The following CCBE1 variants were observed in gnomAD, a reference collection of about 807,000 sequenced individuals.
CCBE1 encodes collagen and calcium-binding EGF domain-containing protein 1.
In CCBE1, 37 loss-of-function variants were observed where a neutral mutation model predicts 50.0. The ratio of observed to expected loss-of-function variants is 0.74; its 90% CI spans 0.57 to 0.97. The LOEUF is 0.97. CCBE1 is among the 50% of genes least tolerant of loss of function. The pLI, the probability that CCBE1 is intolerant of heterozygous loss-of-function variation, is 0.00. For synonymous variants in CCBE1, 234 were observed against 203.7 expected (o/e 1.15, Z -1.27); for missense variants, 538 against 523.8 (o/e 1.03, Z -0.26).
At chr18:59,653,361 A>C (rs1316161614) in intron 2 of CCBE1, among the ~76,000 whole-genome samples, 1 of 152,200 alleles carries the variant, frequency 6.6e-6, no homozygotes, top group Non-Finnish European at 1.5e-5. Context: ...GTTAAGGTTA[A>C]ACAATCTGGT....
At chr18:59,643,705 C>T (rs1381207198) in intron 2 of CCBE1, among the ~76,000 whole-genome samples, 1 of 152,088 alleles carries the variant, frequency 6.6e-6, no homozygotes, top group Non-Finnish European at 1.5e-5. Context: ...CCTGTAATCC[C>T]AGCTACTCAG....
chr18:59,642,629 G>A (rs1240011577), intron 2 of CCBE1, among the ~76,000 whole-genome samples: 1 of 152,172 alleles, frequency 6.6e-6, no homozygotes, highest in Non-Finnish European at 1.5e-5. Context: ...AGTGAAAATA[G>A]TCAACTGCAT....
intron 2 of CCBE1, among the ~76,000 whole-genome samples, chr18:59,530,201 C>T (rs111986304): frequency 3.3e-5 from 5 of 152,098 alleles, no homozygotes; most frequent in African/African-American, 1.2e-4. Flanking sequence ...GAAGAGGCAC[C>T]AGGTGGCCAA....
At chr18:59,625,430 CAAA>C (rs750324482) in intron 2 of CCBE1, among the ~76,000 whole-genome samples, 26 of 69,912 alleles carry the variant, frequency 3.7e-4, no homozygotes, top group African/African-American at 1.4e-3. Flanking sequence ...GATTCTGTCT[CAAA>C]AAAAAAAAAA....
In CCBE1 at chr18:59,488,940, C is replaced by A. The variant is rs1912959227; in HGVS notation, c.213-8702G>T. On this transcript the variant is annotated intron_variant, in intron 2 of 10. Transcript: ENST00000439986. ...AGCAGGGACATCAGGACACAAGGAG[C>A]CCCTGCTATAGTCTAACTCCCACAG... 3.9e-5 allele frequency among the ~76,000 whole-genome samples: 6 copies of A among 152,142 alleles called. No homozygotes were observed. In the South Asian group the frequency reaches 1.2e-3, roughly 32 times the overall value.
At chr18:59,647,470 T>C (rs1276407749) in intron 2 of CCBE1, among the ~76,000 whole-genome samples, 1 of 152,260 alleles carries the variant, frequency 6.6e-6, no homozygotes, top group Middle Eastern at 3.2e-3. Context: ...TTTGTAGTTT[T>C]CTGTATTTTC....
At chr18:59,445,462 T>A (rs1046969325) in intron 7 of CCBE1, among the ~76,000 whole-genome samples, 1 of 152,224 alleles carries the variant, frequency 6.6e-6, no homozygotes. Context: ...ATGCACATAG[T>A]AATTGCTTTT....
intron 2 of CCBE1, among the ~76,000 whole-genome samples, chr18:59,681,592 G>C (rs1301464888): frequency 6.6e-6 from 1 of 152,182 alleles, no homozygotes; most frequent in African/African-American, 2.4e-5. Context: ...TTCAAAGCAA[G>C]CAGTGAAATG....
intron 2 of CCBE1, among the ~76,000 whole-genome samples, chr18:59,553,187 C>G (rs1447016379): frequency 6.6e-6 from 1 of 151,606 alleles, no homozygotes; most frequent in Non-Finnish European, 1.5e-5. Flanking sequence ...AGTCCCTGTT[C>G]TACTCAGCCA....
intron 2 of CCBE1, among the ~76,000 whole-genome samples, chr18:59,537,951 G>A (rs1205042708): frequency 6.6e-6 from 1 of 152,174 alleles, no homozygotes; most frequent in Non-Finnish European, 1.5e-5. Flanking sequence ...GACTAAACGA[G>A]TTACTTTAAA....
At chr18:59,460,661 G>A (rs1911417428) in intron 5 of CCBE1, among the ~76,000 whole-genome samples, 1 of 152,232 alleles carries the variant, frequency 6.6e-6, no homozygotes, top group Admixed American at 6.5e-5. Flanking sequence ...GCCAGGAGCT[G>A]TGGCTCACGC....
At chr18:59,497,297 C>T (rs770608365) in intron 2 of CCBE1, among the ~76,000 whole-genome samples, 9 of 152,054 alleles carry the variant, frequency 5.9e-5, no homozygotes, top group South Asian at 2.1e-4. Flanking sequence ...TGATAGATGC[C>T]GTGGGGGAAG....
At chr18:59,481,552 G>A (rs1454843148) in intron 2 of CCBE1, among the ~76,000 whole-genome samples, 1 of 152,134 alleles carries the variant, frequency 6.6e-6, no homozygotes, top group Non-Finnish European at 1.5e-5. Flanking sequence ...GAAACCTAAA[G>A]AGAAAATCCT....
At chr18:59,439,601 T>C (rs1910320768) in intron 8 of CCBE1, 23 bp from the exon 9 acceptor site, 1 of 1,614,250 alleles carries the variant, frequency 6.2e-7, no homozygotes, top group East Asian at 2.2e-5. Context: ...AGGATCTGGT[T>C]TAACCACAGG....
chr18:59,439,955 T>C (rs1466410732), intron 7 of CCBE1, 139 bp from the exon 8 acceptor site: 2 of 872,406 alleles, frequency 2.3e-6, no homozygotes, highest in East Asian at 5.2e-5. Flanking sequence ...CATCAGGCTG[T>C]CCCACAGGCA....
At chr18:59,655,269 T>G (rs1214966477) in intron 2 of CCBE1, among the ~76,000 whole-genome samples, 1 of 152,160 alleles carries the variant, frequency 6.6e-6, no homozygotes, top group Non-Finnish European at 1.5e-5. Flanking sequence ...ACTGTAACAT[T>G]AACATGCTCC....
chr18:59,503,425 A>G (rs1021587534), intron 2 of CCBE1, among the ~76,000 whole-genome samples: 4 of 152,230 alleles, frequency 2.6e-5, no homozygotes, highest in Non-Finnish European at 5.9e-5. Context: ...GCCTGGTCAC[A>G]CAACCTGTAA....
intron 3 of CCBE1, among the ~76,000 whole-genome samples, chr18:59,472,869 A>G (rs1019718930): frequency 5.9e-5 from 9 of 152,260 alleles, no homozygotes; most frequent in Non-Finnish European, 1.2e-4. Flanking sequence ...AAGGCAAATG[A>G]GCAAAGTCAT....
At chr18:59,666,233 G>A (rs1785547363) in intron 2 of CCBE1, 1 of 152,088 alleles carries the variant, frequency 6.6e-6, no homozygotes, top group Admixed American at 6.6e-5. Flanking sequence ...ATTATCATGA[G>A]AACGGCACGG....
Sources: gnomAD v4.1 joint callset for allele counts (sites outside exome capture counted in the v4.1 genomes callset) on GRCh38, gnomAD v4.1.1 for gene constraint, MANE v1.5 for transcripts, NCBI Gene and HGNC (gene_info 2026-07-23, HGNC 2026-07-21) for gene names.